ODAD3: variants seen among roughly 807,000 people sequenced by gnomAD.
The protein encoded by ODAD3 is outer dynein arm docking complex subunit 3, also known as outer dynein arm-docking complex subunit 3.
Under a neutral mutation model 70.9 loss-of-function variants are expected in ODAD3, and 57 were observed. The ratio of observed to expected loss-of-function variants is 0.80; its 90% CI spans 0.65 to 1.00. The LOEUF is 1.00. Ranked by LOEUF, ODAD3 falls within the 50% of genes least tolerant of loss-of-function variation. The probability of loss-of-function intolerance (pLI) is 0.00; values close to 1 mark genes in which losing one functional copy is unlikely to be tolerated. For synonymous variants in ODAD3, 327 were observed against 315.9 expected, an observed-to-expected ratio of 1.04 and a Z score of -0.37; for missense variants, 797 against 763.9, an observed-to-expected ratio of 1.04 and a Z score of -0.51.
At chr19:11,435,626 T>G, upstream of ODAD3, 1 of 1,206,938 alleles carries the variant, frequency 8.3e-7, no homozygotes, top group Non-Finnish European at 1.1e-6. Context: ...GTCCAGAAAT[T>G]TCCGCTTTCT....
chr19:11,429,102 C>T (rs561061395), intron 3 of ODAD3, among the ~76,000 whole-genome samples: 5 of 151,724 alleles, frequency 3.3e-5, no homozygotes, highest in Middle Eastern at 3.4e-3. Context: ...TGGTCTCAAA[C>T]GCCCGACCTC....
chr19:11,425,407 A>C (rs200627919), intron 7 of ODAD3, among the ~76,000 whole-genome samples: 1 of 110,622 alleles, frequency 9.0e-6, no homozygotes, highest in Non-Finnish European at 1.6e-5. Context: ...ATATGTATAT[A>C]TACATATATG....
In ODAD3 at chr19:11,430,904, G is replaced by A. The variant is rs763215336; in HGVS notation, c.361C>T (p.Leu121Phe). 4 of 1,614,010 alleles carry A rather than the reference G, an allele frequency of 2.5e-6. No homozygotes were observed. The Admixed American group carries it at 6.7e-5, about 27-fold the overall frequency. Residue 121 changes from leucine to phenylalanine, a missense_variant, in exon 2 of 13, where the codon CTC (leucine) becomes TTC (phenylalanine). Transcript: ENST00000356392. ...KALELKLLDL[L>F]KGDEKVVQAV... ...CCCACCCCTTTGCCCCTTACCTTGA[G>A]CAGGTCCAGCAGCTTTAGTTCCAGT... is the stretch of plus-strand genomic sequence containing the variant.
chr19:11,435,770 AT>A, upstream of ODAD3: 1 of 1,386,348 alleles, frequency 7.2e-7, no homozygotes, highest in Non-Finnish European at 9.5e-7. Flanking sequence ...CGGAGGGTGC[AT>A]GTGTGGGTGT....
Position 11,427,005 on chromosome 19 carries a change from C to T in ODAD3, c.480G>A (p.Lys160=). The T allele has an allele frequency of 6.2e-7, 1 of 1,601,864 alleles. No individual in the cohort carries two copies. The change falls in exon 4 of 13, where the codon AAG becomes AAA. Residue 160 remains lysine, a synonymous_variant. Coordinates refer to ENST00000356392, the MANE Select transcript of ODAD3 (RefSeq NM_145045.5). ...GCCGCAGGGCGTTCTGCTGCTTCAC[C>T]TTCTCCCTCAGCCGGTGGTCTAGGT... ...LEHLDHRLRE[K]VKQQNALRHQ...
Position 11,420,911 on chromosome 19 carries a change from G to T in ODAD3, c.1712C>A (p.Thr571Asn). 6.2e-7 allele frequency: 1 copy of T among 1,613,906 alleles called. No individual in the cohort carries two copies. The highest frequency in any genetic ancestry group is 8.5e-7 in the Non-Finnish European group (1 of 1,179,954). The change falls in exon 13 of 13, where the codon ACC (threonine) becomes AAC (asparagine). Residue 571 changes from threonine (T) to asparagine (N), a missense_variant. By Grantham distance (65) the Thr-to-Asn change is moderately conservative. Coordinates refer to ENST00000356392, the MANE Select transcript of ODAD3 (RefSeq NM_145045.5). Reference protein sequence around the residue: ...ESEEEDNEVVTRASLKIRSQK... With the variant: ...ESEEEDNEVVNRASLKIRSQK... ...GGAACGGATCTTGAGTGATGCGCGG[G>T]TCACTACCTCGTTGTCCTCCTCCTC...
chr19:11,432,799 CTTT>C, intron 1 of ODAD3, among the ~76,000 whole-genome samples: 1 of 145,934 alleles, frequency 6.9e-6, no homozygotes, highest in Admixed American at 6.9e-5. Flanking sequence ...CAAGATTACC[CTTT>C]TTTTTTTTTA....
chr19:11,430,809 A>C lies in ODAD3; in HGVS notation c.367-33T>G, dbSNP rs188734372. 2.4e-4 allele frequency: 381 copies of C among 1,614,000 alleles called. 4 individuals carry two copies. Among genetic ancestry groups the C allele is most frequent in the Middle Eastern group, 2.0e-3 (12 of 6,062 alleles). On this transcript the variant is annotated intron_variant, in intron 2 of 12. Coordinates refer to ENST00000356392, the MANE Select transcript of ODAD3 (RefSeq NM_145045.5). ...GAGGGAAGTCCAGTCACCTTTCAGC[A>C]TGCCACCTCCAGCTAAGGCCAGGTG...
rs1432050806 is a variant in ODAD3, at chr19:11,425,411, A to G, written c.963+733T>C. ...TACATATGTGTATATGTATATATAC[A>G]TATATGTGTATATACACATATGTGT... is the stretch of plus-strand genomic sequence containing the variant. On this transcript the variant is annotated intron_variant, in intron 7 of 12. Transcript: ENST00000356392. 4.6e-4 allele frequency among the ~76,000 whole-genome samples: 51 copies of G among 110,200 alleles called. 2 individuals carry two copies. Among genetic ancestry groups the G allele is most frequent in the African/African-American group, 3.2e-3 (49 of 15,082 alleles). The allele number at this position is 110,200 out of a possible 152,430, so 72.3% of individuals were successfully genotyped here. A position where few individuals can be genotyped will look rare whatever the true frequency, so the allele number is the denominator to read the frequency against.
intron 1 of ODAD3, chr19:11,434,411 G>GAT: frequency 6.1e-6 from 1 of 162,828 alleles, no homozygotes; most frequent in Non-Finnish European, 1.3e-5. Flanking sequence ...GGTGGCGTGT[G>GAT]CCTGTAGTCC....
intron 3 of ODAD3, among the ~76,000 whole-genome samples, chr19:11,428,087 G>A (rs1482760401): frequency 6.0e-5 from 9 of 150,482 alleles, no homozygotes; most frequent in African/African-American, 1.7e-4. Context: ...GCGACAGTGC[G>A]AGACTCTGTC....
chr19:11,426,871 A>C lies in ODAD3; in HGVS notation c.612+2T>G. ...TGCCCTGCAGGCCTCACCCGCCCCT[A>C]CCTTGGCCACCTCCGTGTGTCTGTT... On this transcript the variant is annotated splice_donor_variant, in intron 4 of 12. Transcript: ENST00000356392. LOFTEE classifies it high-confidence loss of function. The C allele has an allele frequency of 6.2e-7, 1 of 1,609,424 alleles. No individual in the cohort carries two copies. Among genetic ancestry groups the C allele is most frequent in the Non-Finnish European group, 8.5e-7 (1 of 1,177,190 alleles).
At chr19:11,430,429 C>T (rs763774980) in intron 3 of ODAD3, 10 of 492,874 alleles carry the variant, frequency 2.0e-5, no homozygotes, top group Admixed American at 3.5e-5. Context: ...TGGGCCACCG[C>T]GCCTGGCTGT....
intron 1 of ODAD3, among the ~76,000 whole-genome samples, chr19:11,433,768 A>T (rs1178962228): frequency 3.3e-5 from 5 of 152,124 alleles, no homozygotes; most frequent in Non-Finnish European, 7.3e-5. Context: ...CTCTACAAAA[A>T]GTAAGAAAAT....
At chr19:11,421,308 GC>G in intron 11 of ODAD3, 96 bp from the exon 12 acceptor site, 2 of 1,155,986 alleles carry the variant, frequency 1.7e-6, no homozygotes, top group Non-Finnish European at 1.2e-6. Flanking sequence ...TCCGAGATAT[GC>G]CCTAGTTCCA....
In ODAD3 at chr19:11,435,121, C is replaced by T; in HGVS notation, c.-105G>A. 1.4e-6 allele frequency: 2 copies of T among 1,479,264 alleles called. No homozygotes were observed. The highest frequency in any genetic ancestry group is 1.8e-6 in the Non-Finnish European group (2 of 1,121,988). The allele number at this position is 1,479,264 out of a possible 1,614,324, so 91.6% of individuals were successfully genotyped here. On this transcript the variant is annotated 5_prime_UTR_variant, in exon 1 of 13. Transcript: ENST00000356392. ...CGGATTCCTAGGGCTCTGAAAAATGCACTTTCCGACCGCTAGGTGGTTGCG... is the reference window on the plus strand; with the variant it reads ...CGGATTCCTAGGGCTCTGAAAAATGTACTTTCCGACCGCTAGGTGGTTGCG...
chr19:11,424,499 A>G (rs1232456951), intron 7 of ODAD3, among the ~76,000 whole-genome samples: 1 of 141,216 alleles, frequency 7.1e-6, no homozygotes, highest in Non-Finnish European at 1.5e-5. Flanking sequence ...AAATCCATAT[A>G]TATATGTATA....
intron 3 of ODAD3, among the ~76,000 whole-genome samples, chr19:11,428,060 A>T (rs1969423213): frequency 1.4e-5 from 2 of 147,960 alleles, no homozygotes; most frequent in Admixed American, 6.7e-5. Context: ...AGATCGTGCC[A>T]CTGCACTCCA....
At chr19:11,427,699 C>A (rs1310646299) in intron 3 of ODAD3, among the ~76,000 whole-genome samples, 3 of 152,010 alleles carry the variant, frequency 2.0e-5, no homozygotes, top group African/African-American at 7.2e-5. Flanking sequence ...CCAGGCTGGT[C>A]TCAAACGCCT....
Sources: gnomAD v4.1 joint callset for allele counts (sites outside exome capture counted in the v4.1 genomes callset) on GRCh38, gnomAD v4.1.1 for gene constraint, MANE v1.5 for transcripts, NCBI Gene and HGNC (gene_info 2026-07-23, HGNC 2026-07-21) for gene names.